The following PSD3 variants were observed in gnomAD, a reference collection of about 807,000 sequenced individuals.
PSD3 encodes pleckstrin and Sec7 domain containing 3, also known as PH and SEC7 domain-containing protein 3.
A neutral mutation model predicts 105.5 loss-of-function variants in PSD3; 49 were observed. That is an observed-to-expected ratio of 0.46 (90% CI 0.37 to 0.59). PSD3 has a LOEUF of 0.59. PSD3 is among the 20% of genes least tolerant of loss of function. The pLI, the probability that PSD3 is intolerant of heterozygous loss-of-function variation, is 0.00. For missense variants in PSD3, 1,561 were observed against 1,263.8 expected, an observed-to-expected ratio of 1.24 and a Z score of -3.57; for synonymous variants, 557 against 457.8, an observed-to-expected ratio of 1.22 and a Z score of -2.77.
At chr8:18,900,169 A>G (rs1819412223) in intron 2 of PSD3, among the ~76,000 whole-genome samples, 1 of 152,114 alleles carries the variant, frequency 6.6e-6, no homozygotes. Context: ...TTATCGAACC[A>G]TCTTTTGCTG....
At chr8:18,649,204 C>T (rs1053281024) in intron 10 of PSD3, among the ~76,000 whole-genome samples, 1 of 152,190 alleles carries the variant, frequency 6.6e-6, no homozygotes, top group Non-Finnish European at 1.5e-5. Flanking sequence ...AAGCCATAGG[C>T]ACTCAACGCC....
intron 4 of PSD3, among the ~76,000 whole-genome samples, chr8:18,864,275 G>GTAACT: frequency 6.6e-6 from 1 of 152,190 alleles, no homozygotes; most frequent in East Asian, 1.9e-4. Context: ...CTTACCATCT[G>GTAACT]TGTGACCTTT....
intron 9 of PSD3, among the ~76,000 whole-genome samples, chr8:18,710,935 G>T (rs151194277): frequency 6.6e-6 from 1 of 151,936 alleles, no homozygotes; most frequent in African/African-American, 2.4e-5. Flanking sequence ...TGCCCAACTC[G>T]GCCTCCCAAA....
At chr8:18,630,715 C>T (rs151014273) in intron 11 of PSD3, among the ~76,000 whole-genome samples, 18 of 151,890 alleles carry the variant, frequency 1.2e-4, no homozygotes, top group African/African-American at 3.6e-4. Flanking sequence ...GTCAACCCTC[C>T]ATATCTGTGG....
chr8:19,079,970 A>G (rs1829589183), intron 1 of PSD3, among the ~76,000 whole-genome samples: 1 of 150,720 alleles, frequency 6.6e-6, no homozygotes, highest in South Asian at 2.1e-4. Flanking sequence ...GCTCATTACA[A>G]CCTCCACCTT....
chr8:19,018,377 C>T (rs1364193682), upstream of PSD3, among the ~76,000 whole-genome samples: 10 of 150,834 alleles, frequency 6.6e-5, no homozygotes, highest in African/African-American at 2.4e-4. Context: ...AAAAATGAGG[C>T]ATAAGGGATC....
intron 1 of PSD3, among the ~76,000 whole-genome samples, chr8:18,954,723 A>C (rs1419017166): frequency 6.6e-6 from 1 of 152,074 alleles, no homozygotes; most frequent in Non-Finnish European, 1.5e-5. Flanking sequence ...AATTCCTTGA[A>C]ACCTCACCCC....
chr8:19,080,180 C>T (rs1038847852), intron 1 of PSD3, among the ~76,000 whole-genome samples: 9 of 152,156 alleles, frequency 5.9e-5, no homozygotes, highest in Non-Finnish European at 1.2e-4. Flanking sequence ...TAAGCCACCG[C>T]GCCTGGCCAA....
intron 10 of PSD3, among the ~76,000 whole-genome samples, chr8:18,652,492 A>ATTTTTTTTTT (rs1808570412): frequency 1.3e-5 from 1 of 79,816 alleles, no homozygotes; most frequent in Non-Finnish European, 2.6e-5. Flanking sequence ...GAAAAAGCTT[A>ATTTTTTTTTT]GTTTTTTTTT....
intron 2 of PSD3, among the ~76,000 whole-genome samples, chr8:18,896,891 A>T (rs1237206536): frequency 6.9e-6 from 1 of 144,534 alleles, no homozygotes; most frequent in Non-Finnish European, 1.5e-5. Context: ...GCTCACCACA[A>T]CCTCCGCCTC....
At chr8:18,829,923 T>A (rs1813543623) in intron 4 of PSD3, among the ~76,000 whole-genome samples, 1 of 152,148 alleles carries the variant, frequency 6.6e-6, no homozygotes, top group Non-Finnish European at 1.5e-5. Context: ...AACCATACCT[T>A]CTTCCCCAAA....
At chr8:18,718,095 C>T (rs191180659) in intron 9 of PSD3, among the ~76,000 whole-genome samples, 1 of 151,242 alleles carries the variant, frequency 6.6e-6, no homozygotes, top group East Asian at 1.9e-4. Context: ...TTTCACCCTG[C>T]CCTAGTGAGC....
intron 9 of PSD3, among the ~76,000 whole-genome samples, chr8:18,731,152 A>G (rs899800046): frequency 6.6e-6 from 1 of 152,124 alleles, no homozygotes; most frequent in Non-Finnish European, 1.5e-5. Context: ...GCTACTCGGG[A>G]GCCTGAGGCA....
chr8:18,617,868 A>C (rs1400087890), intron 11 of PSD3, among the ~76,000 whole-genome samples: 2 of 152,164 alleles, frequency 1.3e-5, no homozygotes, highest in African/African-American at 4.8e-5. Flanking sequence ...GGGAAATCAA[A>C]GTATTGTACC....
At chr8:18,806,405 G>C (rs538614976) in intron 4 of PSD3, among the ~76,000 whole-genome samples, 3 of 152,334 alleles carry the variant, frequency 2.0e-5, no homozygotes, top group African/African-American at 7.2e-5. Context: ...AAAGACTACA[G>C]CCTGTGGTCA....
At chr8:19,043,636 G>A (rs1259708971) in intron 1 of PSD3, among the ~76,000 whole-genome samples, 2 of 152,138 alleles carry the variant, frequency 1.3e-5, no homozygotes, top group Non-Finnish European at 2.9e-5. Context: ...TGGGAGATGG[G>A]GTTTTTAAGA....
intron 1 of PSD3, among the ~76,000 whole-genome samples, chr8:18,996,167 T>C (rs370078694): frequency 1.4e-4 from 21 of 151,324 alleles, no homozygotes; most frequent in African/African-American, 5.2e-4. Flanking sequence ...CCTGGAAACA[T>C]GGGGCCTTTT....
At position 18,760,653 on chromosome 8, in the gene PSD3, T is replaced by C. The variant is rs140625415; in HGVS notation, c.2172+4796A>G. On this transcript the variant is annotated intron_variant, in intron 9 of 15. Transcript: ENST00000327040. ...TTCGTCTGCTGATGAACATTTAGGA[T>C]GATTCCGTATCTGGGCTGTTATGAA... 2.8e-3 allele frequency among the ~76,000 whole-genome samples: 429 copies of C among 152,358 alleles called. 3 individuals carry two copies. Among genetic ancestry groups the C allele is most frequent in the African/African-American group, 9.9e-3 (411 of 41,586 alleles).
At chr8:19,037,477 T>C (rs1299841710) in intron 1 of PSD3, among the ~76,000 whole-genome samples, 1 of 152,222 alleles carries the variant, frequency 6.6e-6, no homozygotes, top group Non-Finnish European at 1.5e-5. Context: ...CAGACAGGAC[T>C]AAGGGATGCC....
Sources: allele counts gnomAD v4.1 joint callset (sites outside exome capture counted in the v4.1 genomes callset), GRCh38; gene constraint gnomAD v4.1.1; transcripts MANE v1.5; gene names NCBI Gene and HGNC (gene_info 2026-07-23, HGNC 2026-07-21).